PTPRN2: variants seen among roughly 807,000 people sequenced by gnomAD.
The protein encoded by PTPRN2 is receptor-type tyrosine-protein phosphatase N2.
Under a neutral mutation model 118.8 loss-of-function variants are expected in PTPRN2, and 74 were observed. The ratio of observed to expected loss-of-function variants is 0.62; its 90% CI spans 0.52 to 0.76. The LOEUF (loss-of-function observed/expected upper bound fraction) is 0.76, where lower values mean the gene tolerates loss of function less well. Among genes scored for constraint, PTPRN2 ranks in the 30% least tolerant of loss-of-function variants. The pLI, the probability that PTPRN2 is intolerant of heterozygous loss-of-function variation, is 0.00. For synonymous variants in PTPRN2, 641 were observed against 608.0 expected (o/e 1.05, Z -0.80); for missense variants, 1,481 against 1,394.4 (o/e 1.06, Z -0.99).
chr7:158,024,977 TG>T (rs1254963475), intron 11 of PTPRN2, among the ~76,000 whole-genome samples: 21 of 152,204 alleles, frequency 1.4e-4, no homozygotes, highest in Admixed American at 6.5e-4. Flanking sequence ...TGCTTGATTG[TG>T]GGCAGTGGGT....
chr7:157,904,680 G>A (rs1563225608), intron 11 of PTPRN2, among the ~76,000 whole-genome samples: 1 of 152,240 alleles, frequency 6.6e-6, no homozygotes, highest in African/African-American at 2.4e-5. Flanking sequence ...CTGACTTCAC[G>A]CGGCCCTGTG....
chr7:157,582,409 G>A (rs1365161171), intron 17 of PTPRN2, among the ~76,000 whole-genome samples: 1 of 152,216 alleles, frequency 6.6e-6, no homozygotes, highest in African/African-American at 2.4e-5. Context: ...GGGGCTGAAT[G>A]TCATCAGCCA....
chr7:157,941,822 C>A (rs937841854), intron 11 of PTPRN2, among the ~76,000 whole-genome samples: 1 of 152,162 alleles, frequency 6.6e-6, no homozygotes, highest in African/African-American at 2.4e-5. Flanking sequence ...CTCTGCCCAC[C>A]TTCACCACCT....
intron 6 of PTPRN2, among the ~76,000 whole-genome samples, chr7:158,150,522 C>T (rs758343428): frequency 6.6e-6 from 1 of 152,144 alleles, no homozygotes; most frequent in Admixed American, 6.5e-5. Flanking sequence ...CCAGGTGAGT[C>T]CCAGTATTCA....
intron 12 of PTPRN2, among the ~76,000 whole-genome samples, chr7:157,746,419 G>A (rs1800943029): frequency 6.8e-6 from 1 of 147,238 alleles, no homozygotes; most frequent in Non-Finnish European, 1.5e-5. Flanking sequence ...TCCACACGGA[G>A]CCCTGAGTGT....
chr7:158,145,772 C>T (rs1047931401), intron 6 of PTPRN2, among the ~76,000 whole-genome samples: 1 of 152,194 alleles, frequency 6.6e-6, no homozygotes, highest in Admixed American at 6.5e-5. Flanking sequence ...ACCTTAGACA[C>T]ATTTAAAGTT....
intron 1 of PTPRN2, among the ~76,000 whole-genome samples, chr7:158,522,271 GCT>G (rs1824218696): frequency 6.0e-5 from 1 of 16,796 alleles, no homozygotes; most frequent in Non-Finnish European, 1.0e-4. Flanking sequence ...CTGTCCAGGT[GCT>G]GGCTCGGGAG....
rs1267285297 is a variant in PTPRN2 at position 157,540,315 on chromosome 7, C to T, written c.*399G>A. 6.4e-6 allele frequency: 1 copy of T among 157,350 alleles called. No homozygotes were observed. The highest frequency in any genetic ancestry group is 2.4e-5 in the African/African-American group (1 of 41,628). The allele number at this position is 157,350 out of a possible 1,614,324, so 9.7% of individuals were successfully genotyped here. On this transcript the variant is annotated 3_prime_UTR_variant, in exon 23 of 23. Transcript: ENST00000389418. Reference sequence around the variant, plus strand: ...GCCTCACTGAGTGCTGCCAGCTTCCCCGGCCACTCCTGCACAGTGGATCCA... The same window carrying T: ...GCCTCACTGAGTGCTGCCAGCTTCCTCGGCCACTCCTGCACAGTGGATCCA...
chr7:157,569,005 A>G, intron 20 of PTPRN2, 39 bp from the exon 21 acceptor site: 1 of 1,513,562 alleles, frequency 6.6e-7, no homozygotes, highest in African/African-American at 1.4e-5. Context: ...GCTGCCGTCC[A>G]CACGGAAGCC....
chr7:158,304,493 T>G (rs139693225), intron 3 of PTPRN2, among the ~76,000 whole-genome samples: 142 of 135,740 alleles, frequency 1.0e-3, no homozygotes, highest in Middle Eastern at 4.6e-3. Flanking sequence ...ATTTCTACAT[T>G]CTAGGGAGGC....
intron 3 of PTPRN2, among the ~76,000 whole-genome samples, chr7:158,306,901 C>G (rs1478360005): frequency 7.7e-6 from 1 of 130,176 alleles, no homozygotes; most frequent in Non-Finnish European, 1.6e-5. Context: ...GAGTCTTGCT[C>G]TGTCATCCAG....
chr7:158,146,634 T>C (rs1443538725), intron 6 of PTPRN2, among the ~76,000 whole-genome samples: 1 of 146,378 alleles, frequency 6.8e-6, no homozygotes, highest in Non-Finnish European at 1.5e-5. Flanking sequence ...GGCAGAAGAA[T>C]GGTGTGAACC....
intron 6 of PTPRN2, among the ~76,000 whole-genome samples, chr7:158,149,499 C>G (rs959357381): frequency 5.3e-5 from 8 of 151,788 alleles, no homozygotes; most frequent in African/African-American, 1.9e-4. Flanking sequence ...AATTAACTCA[C>G]TGATTTTTAA....
At chr7:158,549,054 G>T (rs1313743558) in intron 1 of PTPRN2, among the ~76,000 whole-genome samples, 1 of 152,232 alleles carries the variant, frequency 6.6e-6, no homozygotes, top group Non-Finnish European at 1.5e-5. Context: ...CCCCAGGGGG[G>T]CCGAGGGAGC....
chr7:158,561,474 C>A (rs1404548353), intron 1 of PTPRN2, among the ~76,000 whole-genome samples: 1 of 152,142 alleles, frequency 6.6e-6, no homozygotes, highest in Non-Finnish European at 1.5e-5. Flanking sequence ...AAGAAAAGAC[C>A]AAATGGTGTT....
chr7:157,776,902 T>C (rs1461001642), intron 12 of PTPRN2, among the ~76,000 whole-genome samples: 20 of 30,384 alleles, frequency 6.6e-4, no homozygotes, highest in Admixed American at 8.7e-4. Context: ...TCCTCCTCCT[T>C]CTCCCCCTCC....
intron 8 of PTPRN2, among the ~76,000 whole-genome samples, chr7:158,134,499 A>G (rs1216183982): frequency 6.6e-6 from 1 of 152,212 alleles, no homozygotes; most frequent in Admixed American, 6.5e-5. Context: ...CAGCACACAA[A>G]GGCACTGTAC....
At chr7:158,050,242 T>C (rs1299922988) in intron 11 of PTPRN2, among the ~76,000 whole-genome samples, 1 of 152,240 alleles carries the variant, frequency 6.6e-6, no homozygotes, top group African/African-American at 2.4e-5. Flanking sequence ...TTGTAGATTA[T>C]TCATGTTCTA....
At chr7:157,912,233 G>GT (rs1585004701) in intron 11 of PTPRN2, among the ~76,000 whole-genome samples, 1 of 152,322 alleles carries the variant, frequency 6.6e-6, no homozygotes, top group East Asian at 1.9e-4. Context: ...GATTTACGTT[G>GT]TATCTCCTTG....
Sources: gnomAD v4.1 joint callset for allele counts (sites outside exome capture counted in the v4.1 genomes callset) on GRCh38, gnomAD v4.1.1 for gene constraint, MANE v1.5 for transcripts, NCBI Gene and HGNC (gene_info 2026-07-23, HGNC 2026-07-21) for gene names.